The following IBTK variants were observed in gnomAD, a reference collection of about 807,000 sequenced individuals.
The protein encoded by IBTK is inhibitor of Bruton tyrosine kinase, also known as BTK-binding protein.
IBTK carries 83 observed loss-of-function variants against 154.9 expected under a neutral mutation model. That is an observed-to-expected ratio of 0.54 (90% CI 0.45 to 0.64). The LOEUF is 0.64. Ranked by LOEUF, IBTK falls within the 30% of genes least tolerant of loss-of-function variation. The probability of loss-of-function intolerance (pLI) is 0.00; values close to 1 mark genes in which losing one functional copy is unlikely to be tolerated. For synonymous variants in IBTK, 515 were observed against 536.1 expected, an observed-to-expected ratio of 0.96 and a Z score of 0.54; for missense variants, 1,332 against 1,584.6, an observed-to-expected ratio of 0.84 and a Z score of 2.71.
At chr6:82,200,302 G>T in intron 20 of IBTK, 49 bp from the exon 21 acceptor site, 1 of 1,276,590 alleles carries the variant, frequency 7.8e-7, no homozygotes, top group Non-Finnish European at 1.1e-6. Flanking sequence ...AGGTAACTAA[G>T]ATAAATGCAC....
At chr6:82,183,661 C>T (rs1768400981) in intron 25 of IBTK, among the ~76,000 whole-genome samples, 1 of 151,792 alleles carries the variant, frequency 6.6e-6, no homozygotes, top group Non-Finnish European at 1.5e-5. Context: ...CCAGATTAGC[C>T]AAAGCATTCT....
At position 82,247,658 on chromosome 6, in the gene IBTK, G is replaced by T. The variant is rs1219037791; in HGVS notation, c.-454C>A. The T allele has an allele frequency of 2.5e-6, 1 of 398,702 alleles. No homozygotes were observed. Among genetic ancestry groups the T allele is most frequent in the African/African-American group, 2.1e-5 (1 of 48,648 alleles). 24.7% of individuals were successfully genotyped at this position (398,702 alleles called of 1,614,324 possible). Reference sequence around the variant, plus strand: ...GTGAAGGCAATAAGAGAAACCGAACGGCGCCAGAGGGGCCAGTCCCCAGAC... The same window carrying T: ...GTGAAGGCAATAAGAGAAACCGAACTGCGCCAGAGGGGCCAGTCCCCAGAC... On this transcript the variant is annotated 5_prime_UTR_variant, in exon 1 of 29. Transcript: ENST00000306270.
rs185191721 is a variant in IBTK, at chr6:82,223,414, C to T, written c.1124+26G>A. 80 of 1,543,430 alleles carry T rather than the reference C, an allele frequency of 5.2e-5. No individual in the cohort carries two copies. In the Admixed American group the frequency reaches 1.1e-3, roughly 21 times the overall value. ...AAGAGTTGAATTATTATTAAAATTA[C>T]GTTTCTTTCACAGAAATACACATAC... On this transcript the variant is annotated intron_variant, in intron 8 of 28. Transcript: ENST00000306270.
Position 82,191,214 on chromosome 6 carries a change from T to C in IBTK, c.3434A>G (p.Lys1145Arg). The C allele has an allele frequency of 6.2e-7, 1 of 1,603,920 alleles. No individual in the cohort carries two copies. ...AAGTTTAACTCCATGAGAAACTGTT[T>C]TGCTAGAAATTAAACCAATTAGTTT... ...CGATPKSHLG[K>R]TVSHGVKLSQ... is the part of the protein sequence containing the mutation. Residue 1145 changes from lysine to arginine, a missense_variant and splice_region_variant, in exon 25 of 29, where the codon AAA (lysine) becomes AGA (arginine). This residue lies in a region of IBTK where 1,134 missense variants were observed against 1,274.7 expected (regional missense o/e 0.89). Transcript: ENST00000306270.
At chr6:82,172,987 A>T in intron 27 of IBTK, 1 of 182,766 alleles carries the variant, frequency 5.5e-6, no homozygotes, top group Non-Finnish European at 1.1e-5. Flanking sequence ...ATTTCTTAAC[A>T]TTCTCTTATT....
intron 14 of IBTK, 35 bp from the exon 15 acceptor site, chr6:82,211,439 G>A (rs760597159): frequency 5.0e-6 from 8 of 1,603,342 alleles, no homozygotes; most frequent in Non-Finnish European, 6.8e-6. Context: ...AATAAGAATA[G>A]TGAAACAATA....
intron 9 of IBTK, among the ~76,000 whole-genome samples, chr6:82,219,271 A>G (rs535693632): frequency 3.4e-4 from 51 of 152,234 alleles, no homozygotes; most frequent in African/African-American, 1.1e-3. Context: ...CCTGATGTAG[A>G]GCTCTAATAT....
Position 82,220,599 on chromosome 6 carries a change from T to C in IBTK, c.1239A>G (p.Gly413=). Residue 413 remains glycine (G), a synonymous_variant, in exon 9 of 29, where the codon GGA becomes GGG. Coordinates refer to ENST00000306270, the MANE Select transcript of IBTK (RefSeq NM_015525.4). Reference sequence around the variant, plus strand: ...ATAAACATGTACTTACCCTTCCAGCTCCATCCATTGCAAGAATGCAAATTT... The same window carrying C: ...ATAAACATGTACTTACCCTTCCAGCCCCATCCATTGCAAGAATGCAAATTT... ...GQKICILAMD[G]AGRVFCWRSV... is the part of the protein sequence containing the mutation. The C allele has an allele frequency of 1.2e-6, 2 of 1,611,012 alleles. No homozygotes were observed. The highest frequency in any genetic ancestry group is 1.7e-6 in the Non-Finnish European group (2 of 1,179,078).
intron 4 of IBTK, among the ~76,000 whole-genome samples, chr6:82,229,794 G>C (rs1770434243): frequency 6.6e-6 from 1 of 152,098 alleles, no homozygotes; most frequent in South Asian, 2.1e-4. Flanking sequence ...AGACCCACAA[G>C]AATATTAGCT....
chr6:82,212,456 A>G (rs1411016192), intron 13 of IBTK, among the ~76,000 whole-genome samples: 1 of 152,196 alleles, frequency 6.6e-6, no homozygotes, highest in Non-Finnish European at 1.5e-5. Flanking sequence ...AAGAAAAAAT[A>G]AAAATTAAAA....
chr6:82,205,896 A>C (rs1352401799), intron 16 of IBTK: 1 of 152,216 alleles, frequency 6.6e-6, no homozygotes, highest in Non-Finnish European at 1.5e-5. Flanking sequence ...AAAGGGAAAA[A>C]AAGATTAAGA....
At chr6:82,196,477 CAT>C in intron 21 of IBTK, 31 bp from the exon 22 acceptor site, 1 of 1,492,010 alleles carries the variant, frequency 6.7e-7, no homozygotes, top group Non-Finnish European at 9.2e-7. Flanking sequence ...AAATTAAACA[CAT>C]ATGCATTAAA....
rs777136872 is a variant in IBTK, at chr6:82,231,858, G to GT, written c.419-17dup. On this transcript the variant is annotated splice_polypyrimidine_tract_variant and intron_variant, in intron 3 of 28. Transcript: ENST00000306270. ...TCTGTAGGATCTAAAATAAAAATTA[G>GT]TTTTTATACTTTTTTATATTTTAAA... 1.4e-6 allele frequency: 2 copies of GT among 1,466,284 alleles called. No individual in the cohort carries two copies. The highest frequency in any genetic ancestry group is 2.6e-5 in the South Asian group (2 of 77,272). 90.8% of individuals were successfully genotyped at this position (1,466,284 alleles called of 1,614,324 possible). A position where few individuals can be genotyped will look rare whatever the true frequency, so the allele number is the denominator to read the frequency against.
At chr6:82,233,711 G>GTTTAT (rs1554187492) in intron 3 of IBTK, among the ~76,000 whole-genome samples, 1 of 122,844 alleles carries the variant, frequency 8.1e-6, no homozygotes, top group Non-Finnish European at 1.7e-5. Flanking sequence ...CATTTGTAAA[G>GTTTAT]TTTTTTTTTT....
chr6:82,196,033 A>G (rs1021442476), intron 22 of IBTK, among the ~76,000 whole-genome samples: 1 of 152,226 alleles, frequency 6.6e-6, no homozygotes, highest in Non-Finnish European at 1.5e-5. Context: ...CAACATGTCT[A>G]TAGTGTTATT....
intron 4 of IBTK, among the ~76,000 whole-genome samples, chr6:82,228,691 G>A (rs1418660381): frequency 2.0e-5 from 3 of 150,964 alleles, no homozygotes; most frequent in East Asian, 1.9e-4. Flanking sequence ...GCGCCATCTC[G>A]GTTCACTGCA....
At chr6:82,230,155 A>G (rs1002171375) in intron 4 of IBTK, among the ~76,000 whole-genome samples, 2 of 152,186 alleles carry the variant, frequency 1.3e-5, no homozygotes, top group Non-Finnish European at 2.9e-5. Context: ...CAATCTCAGG[A>G]TATAAACTAA....
chr6:82,175,504 G>A (rs1768076854), intron 26 of IBTK, among the ~76,000 whole-genome samples: 1 of 152,144 alleles, frequency 6.6e-6, no homozygotes, highest in Non-Finnish European at 1.5e-5. Context: ...TTTATCCAAT[G>A]TGGAGTCTGT....
At position 82,196,285 on chromosome 6, in the gene IBTK, T is replaced by C; in HGVS notation, c.3174+13A>G. The C allele has an allele frequency of 6.3e-7, 1 of 1,582,254 alleles. No individual in the cohort carries two copies. ...AATCTGAAGGTAAGGAGGTAGTGCT[T>C]CAAAAAACAAACCTCAATCTTATCT... is the stretch of plus-strand genomic sequence containing the variant. On this transcript the variant is annotated intron_variant, in intron 22 of 28. Coordinates refer to ENST00000306270, the MANE Select transcript of IBTK (RefSeq NM_015525.4).
Sources: gnomAD v4.1 joint callset for allele counts (sites outside exome capture counted in the v4.1 genomes callset) on GRCh38, gnomAD v4.1.1 for gene constraint, gnomAD v4.1.1 regional missense constraint, MANE v1.5 for transcripts, NCBI Gene and HGNC (gene_info 2026-07-23, HGNC 2026-07-21) for gene names.